Variants in ATG10 observed in about 807,000 individuals in gnomAD.
ATG10 encodes the protein ubiquitin-like-conjugating enzyme ATG10.
A neutral mutation model predicts 32.1 loss-of-function variants in ATG10; 30 were observed. That is an observed-to-expected ratio of 0.94 (90% CI 0.70 to 1.27). The LOEUF is 1.27. ATG10 is among the 50% of genes most tolerant of loss of function. The pLI is 0.00. For missense variants in ATG10, 233 were observed against 262.3 expected, an observed-to-expected ratio of 0.89 and a Z score of 0.77; for synonymous variants, 87 against 91.5, an observed-to-expected ratio of 0.95 and a Z score of 0.28.
chr5:82,183,326 C>CT (rs200711063), intron 5 of ATG10, among the ~76,000 whole-genome samples: 12 of 150,918 alleles, frequency 8.0e-5, no homozygotes, highest in East Asian at 1.9e-4. Context: ...TCCTCCATCT[C>CT]TTTTTTTTTC....
At chr5:82,176,026 T>C (rs552918380) in intron 4 of ATG10, among the ~76,000 whole-genome samples, 1 of 152,318 alleles carries the variant, frequency 6.6e-6, no homozygotes, top group African/African-American at 2.4e-5. Flanking sequence ...ATAAAACATC[T>C]ACTTCTAAAA....
rs973703531 is a variant in ATG10 at position 82,255,679 on chromosome 5, C to T, written c.*1616C>T. On this transcript the variant is annotated 3_prime_UTR_variant, in exon 8 of 8. Transcript: ENST00000282185. ...ACTGACAGGCCTTTTCCAATCCATA[C>T]AAGCTGAACTTGCTTCCTAATGTTT... 8 of 152,310 alleles carry T rather than the reference C, an allele frequency of 5.3e-5. No homozygotes were observed. Among genetic ancestry groups the T allele is most frequent in the African/African-American group, 1.9e-4 (8 of 41,562 alleles). 9.4% of individuals were successfully genotyped at this position (152,310 alleles called of 1,614,324 possible).
At chr5:82,115,370 A>G (rs983382441) in intron 3 of ATG10, among the ~76,000 whole-genome samples, 1 of 152,084 alleles carries the variant, frequency 6.6e-6, no homozygotes, top group Non-Finnish European at 1.5e-5. Flanking sequence ...GGAAAAAAGT[A>G]TTGGCTGGAG....
chr5:82,142,036 C>T (rs980565598), intron 3 of ATG10, among the ~76,000 whole-genome samples: 1 of 152,118 alleles, frequency 6.6e-6, no homozygotes, highest in Non-Finnish European at 1.5e-5. Context: ...CTCCTTCTAC[C>T]AGTGAATGTA....
chr5:82,234,346 C>T (rs1383188026), intron 5 of ATG10, among the ~76,000 whole-genome samples: 1 of 152,102 alleles, frequency 6.6e-6, no homozygotes, highest in African/African-American at 2.4e-5. Flanking sequence ...TCCCACAGCC[C>T]TCAGCACTGA....
intron 5 of ATG10, among the ~76,000 whole-genome samples, chr5:82,216,563 C>A (rs1745687436): frequency 6.6e-6 from 1 of 152,126 alleles, no homozygotes; most frequent in African/African-American, 2.4e-5. Flanking sequence ...AGACTTCAAG[C>A]ATGCTAATTA....
At chr5:82,022,481 A>G (rs1005853187) in intron 2 of ATG10, among the ~76,000 whole-genome samples, 1 of 151,402 alleles carries the variant, frequency 6.6e-6, no homozygotes, top group Non-Finnish European at 1.5e-5. Context: ...GGTACCCACA[A>G]TGCCCGTCTA....
chr5:82,033,254 G>A (rs1364980356), intron 2 of ATG10, among the ~76,000 whole-genome samples: 2 of 151,732 alleles, frequency 1.3e-5, no homozygotes, highest in African/African-American at 2.4e-5. Context: ...GGGAGTAGAC[G>A]GTTCAAAATA....
rs1207897429 is a variant in ATG10, at chr5:81,987,145, T to A, written c.-12-414T>A. On this transcript the variant is annotated intron_variant, in intron 1 of 7. Transcript: ENST00000282185. ...AAATACTTTTTTATTTTTTTTGAGA[T>A]GGGGTATCACTCTGTCGCCCAGGCT... Among the ~76,000 whole-genome samples the A allele has an allele frequency of 2.0e-5, 3 of 152,134 alleles. No individual in the cohort carries two copies. The East Asian group carries it at 5.8e-4, about 29-fold the overall frequency.
intron 3 of ATG10, among the ~76,000 whole-genome samples, chr5:82,099,932 T>C (rs1765201858): frequency 6.8e-6 from 1 of 147,914 alleles, no homozygotes; most frequent in Admixed American, 6.7e-5. Context: ...TTACACTCAA[T>C]GTACTAATAG....
intron 2 of ATG10, among the ~76,000 whole-genome samples, chr5:82,041,719 A>G (rs754962499): frequency 2.0e-5 from 3 of 152,192 alleles, no homozygotes; most frequent in African/African-American, 4.8e-5. Context: ...TGATAAAATA[A>G]GAAATGATAC....
intron 3 of ATG10, among the ~76,000 whole-genome samples, chr5:82,070,135 T>C (rs139586394): frequency 1.1e-4 from 16 of 152,260 alleles, no homozygotes; most frequent in Non-Finnish European, 2.9e-5. Flanking sequence ...TCAGAATGCA[T>C]TGAAAAGACC....
intron 5 of ATG10, among the ~76,000 whole-genome samples, chr5:82,205,731 A>G (rs999521928): frequency 1.3e-5 from 2 of 152,220 alleles, no homozygotes; most frequent in Non-Finnish European, 2.9e-5. Flanking sequence ...AGTAGACTAG[A>G]GAAATATATT....
At chr5:81,996,728 C>T (rs1288834618) in intron 2 of ATG10, among the ~76,000 whole-genome samples, 1 of 152,176 alleles carries the variant, frequency 6.6e-6, no homozygotes, top group East Asian at 1.9e-4. Flanking sequence ...GTGGTTAAGA[C>T]CTTGGCCTTT....
rs908192317 is a variant in ATG10, at chr5:82,167,444, C to A, written c.355+2907C>A. On this transcript the variant is annotated intron_variant, in intron 4 of 7. Coordinates refer to ENST00000282185, the MANE Select transcript of ATG10 (RefSeq NM_031482.5). ...AGCATCAAGTATTTGTTAAGTGAAA[C>A]GATAAAGAAGAATTTCTAGTCATTT... 2.0e-5 allele frequency among the ~76,000 whole-genome samples: 3 copies of A among 151,892 alleles called. No individual in the cohort carries two copies. In the East Asian group the frequency reaches 5.8e-4, roughly 29 times the overall value.
At chr5:82,164,747 G>A (rs533048510) in intron 4 of ATG10, among the ~76,000 whole-genome samples, 14 of 152,320 alleles carry the variant, frequency 9.2e-5, no homozygotes, top group South Asian at 4.1e-4. Context: ...CCTTAAGTCT[G>A]ATCTTCAGAT....
intron 1 of ATG10, among the ~76,000 whole-genome samples, chr5:81,978,879 T>G (rs1434841381): frequency 6.6e-6 from 1 of 151,750 alleles, no homozygotes; most frequent in East Asian, 1.9e-4. Flanking sequence ...GTGTATAGAA[T>G]AAGTCCATTC....
intron 5 of ATG10, among the ~76,000 whole-genome samples, chr5:82,180,796 T>C (rs565892885): frequency 1.3e-5 from 2 of 152,318 alleles, no homozygotes; most frequent in East Asian, 3.9e-4. Context: ...TTTCTGCCTC[T>C]AGCAGATAAT....
At chr5:82,083,494 G>C (rs1019257750) in intron 3 of ATG10, among the ~76,000 whole-genome samples, 1 of 152,186 alleles carries the variant, frequency 6.6e-6, no homozygotes, top group Non-Finnish European at 1.5e-5. Flanking sequence ...GGTCCTCCCA[G>C]CACAGAGTTT....
Sources: gnomAD v4.1 joint callset for allele counts (sites outside exome capture counted in the v4.1 genomes callset) on GRCh38, gnomAD v4.1.1 for gene constraint, MANE v1.5 for transcripts, NCBI Gene and HGNC (gene_info 2026-07-23, HGNC 2026-07-21) for gene names.